ATXN1: variants seen among roughly 807,000 people sequenced by gnomAD.
ATXN1 encodes the protein ataxin-1.
ATXN1 carries 8 observed loss-of-function variants against 56.4 expected under a neutral mutation model. The observed-to-expected ratio is 0.14, with a 90% CI of 0.08 to 0.26. ATXN1 has a LOEUF of 0.26. ATXN1 is among the 10% of genes least tolerant of loss of function. ATXN1 has a pLI of 1.00. For missense variants in ATXN1, 987 were observed against 1,106.5 expected, an observed-to-expected ratio of 0.89 and a Z score of 1.53; for synonymous variants, 514 against 494.6, an observed-to-expected ratio of 1.04 and a Z score of -0.52.
chr6:16,531,667 T>C (rs1761507602), intron 4 of ATXN1, among the ~76,000 whole-genome samples: 1 of 151,252 alleles, frequency 6.6e-6, no homozygotes, highest in Non-Finnish European at 1.5e-5. Flanking sequence ...AGAAACCTTT[T>C]GGTCACATCT....
At chr6:16,616,586 A>G (rs1031596278) in intron 3 of ATXN1, among the ~76,000 whole-genome samples, 1 of 145,592 alleles carries the variant, frequency 6.9e-6, no homozygotes, top group African/African-American at 2.5e-5. Context: ...AATATATTTT[A>G]TAATATATTA....
chr6:16,436,003 T>G (rs1759380111), intron 6 of ATXN1, among the ~76,000 whole-genome samples: 1 of 152,140 alleles, frequency 6.6e-6, no homozygotes, highest in African/African-American at 2.4e-5. Flanking sequence ...GTTCCAGCTA[T>G]TCTCCTGCCT....
rs1762016567 is a variant in ATXN1, at chr6:16,556,506, C to T, written c.-361+29274G>A. ...GTCAATGCTGGTAAGAAAAATCAGA[C>T]TACTATTTTATCACTGCGGGAGAAC... On this transcript the variant is annotated intron_variant, in intron 4 of 7. Transcript: ENST00000436367. 2.6e-5 allele frequency among the ~76,000 whole-genome samples: 4 copies of T among 152,300 alleles called. No individual in the cohort carries two copies. In the South Asian group the frequency reaches 6.2e-4, roughly 24 times the overall value.
chr6:16,723,108 T>C (rs1759778658), intron 2 of ATXN1, among the ~76,000 whole-genome samples: 2 of 152,172 alleles, frequency 1.3e-5, no homozygotes, highest in African/African-American at 2.4e-5. Flanking sequence ...TTCTCAGAAA[T>C]AAAGGAGAAT....
rs749589510 is a variant in ATXN1 at position 16,328,008 on chromosome 6, C to T, written c.303G>A (p.Thr101=). The part of the protein sequence containing the change: ...SAPRSVPVAT[T]LPAAYATPQP... Reference sequence around the variant, plus strand: ...GCGGGGTGGCGTACGCGGCAGGCAGCGTGGTGGCCACGGGGACAGACCTGG... The same window carrying T: ...GCGGGGTGGCGTACGCGGCAGGCAGTGTGGTGGCCACGGGGACAGACCTGG... The change falls in exon 7 of 8, where the codon ACG becomes ACA. Residue 101 remains threonine, a synonymous_variant. Transcript: ENST00000436367. This position sits in a 1 kb window ranked among gnomAD's most constrained non-coding sequence, Gnocchi z 6.2. The T allele has an allele frequency of 1.7e-5, 27 of 1,613,344 alleles. No homozygotes were observed. The highest frequency in any genetic ancestry group is 7.7e-5 in the South Asian group (7 of 91,002).
At chr6:16,323,978 T>C (rs963636061) in intron 7 of ATXN1, among the ~76,000 whole-genome samples, 1 of 152,012 alleles carries the variant, frequency 6.6e-6, no homozygotes, top group African/African-American at 2.4e-5. Flanking sequence ...TCTTGGGCCC[T>C]TCCAAAGACT....
intron 2 of ATXN1, chr6:16,739,122 T>C (rs554875497): frequency 6.6e-6 from 1 of 150,802 alleles, no homozygotes; most frequent in South Asian, 2.1e-4. Context: ...TTTGACCCTT[T>C]CCTGACAAAA....
intron 2 of ATXN1, among the ~76,000 whole-genome samples, chr6:16,691,161 A>G (rs1366298798): frequency 1.3e-5 from 2 of 152,224 alleles, no homozygotes; most frequent in Non-Finnish European, 2.9e-5. Context: ...AGTGTCGCAG[A>G]AATATCCCTT....
intron 6 of ATXN1, among the ~76,000 whole-genome samples, chr6:16,337,060 C>T (rs1253274040): frequency 6.6e-6 from 1 of 152,142 alleles, no homozygotes; most frequent in Admixed American, 6.5e-5. Context: ...GGAAAGAATT[C>T]CTCAAGACAC....
At chr6:16,382,687 G>A (rs1313289682) in intron 6 of ATXN1, among the ~76,000 whole-genome samples, 1 of 152,028 alleles carries the variant, frequency 6.6e-6, no homozygotes, top group African/African-American at 2.4e-5. Flanking sequence ...TGTAGCCTAG[G>A]TAGAGTGAAG....
rs139037499 is a variant in ATXN1 at position 16,430,855 on chromosome 6, C to T, written c.-161+55117G>A. 1.1e-3 allele frequency among the ~76,000 whole-genome samples: 171 copies of T among 152,024 alleles called. 4 individuals carry two copies. In the East Asian group the frequency reaches 0.023, roughly 20 times the overall value. On this transcript the variant is annotated intron_variant, in intron 6 of 7. Coordinates refer to ENST00000436367, the MANE Select transcript of ATXN1 (RefSeq NM_001128164.2). ...GGGAGTACTGCGTACATCCAAGGTT[C>T]GTGGTGTTTGCTGAGATAACACATT... is the stretch of plus-strand genomic sequence containing the variant.
chr6:16,532,732 A>G (rs1185072319), intron 4 of ATXN1, among the ~76,000 whole-genome samples: 1 of 152,212 alleles, frequency 6.6e-6, no homozygotes, highest in Non-Finnish European at 1.5e-5. Context: ...AAACAAGAAA[A>G]TAACAAATGT....
chr6:16,313,430 C>T (rs1379477241), intron 7 of ATXN1, among the ~76,000 whole-genome samples: 1 of 152,158 alleles, frequency 6.6e-6, no homozygotes, highest in Admixed American at 6.5e-5. Context: ...TCTCCAAAGA[C>T]AGGCCTTAGA....
chr6:16,505,749 G>A (rs1339597221), intron 5 of ATXN1, among the ~76,000 whole-genome samples: 1 of 152,134 alleles, frequency 6.6e-6, no homozygotes, highest in Non-Finnish European at 1.5e-5. Flanking sequence ...AGGGAGAACC[G>A]ACAGTTTAAC....
At chr6:16,411,957 C>T (rs9350005) in intron 6 of ATXN1, among the ~76,000 whole-genome samples, 129,958 of 152,238 alleles carry the variant, frequency 0.85, 55,810 homozygotes, top group East Asian at 0.99. Context: ...TGTTTTAACT[C>T]AGCTCTCTCT....
intron 5 of ATXN1, among the ~76,000 whole-genome samples, chr6:16,500,539 C>T (rs1760862955): frequency 6.6e-6 from 1 of 151,962 alleles, no homozygotes; most frequent in Admixed American, 6.6e-5. Flanking sequence ...CTTTCTTTCT[C>T]TATATTGTAT....
chr6:16,724,714 T>C (rs1452538656), intron 2 of ATXN1, among the ~76,000 whole-genome samples: 2 of 152,232 alleles, frequency 1.3e-5, no homozygotes, highest in Non-Finnish European at 2.9e-5. Flanking sequence ...TTATAGGATA[T>C]ATTAATAGTG....
intron 6 of ATXN1, among the ~76,000 whole-genome samples, chr6:16,443,410 C>G (rs1424926554): frequency 1.3e-5 from 2 of 152,022 alleles, no homozygotes; most frequent in Non-Finnish European, 2.9e-5. Flanking sequence ...ACAAGAATCA[C>G]TTTTCAAAAG....
intron 6 of ATXN1, among the ~76,000 whole-genome samples, chr6:16,474,978 C>T (rs965615413): frequency 6.6e-6 from 1 of 152,012 alleles, no homozygotes; most frequent in Non-Finnish European, 1.5e-5. Flanking sequence ...CTGTTTTTAC[C>T]TATCACCACC....
Sources: gnomAD v4.1 joint callset for allele counts (sites outside exome capture counted in the v4.1 genomes callset) on GRCh38, gnomAD v4.1.1 for gene constraint, Gnocchi (gnomAD v3.1) non-coding constraint, MANE v1.5 for transcripts, NCBI Gene and HGNC (gene_info 2026-07-23, HGNC 2026-07-21) for gene names.